Variants in MEAK7 observed in about 807,000 individuals in gnomAD.
The protein encoded by MEAK7 is MTOR associated protein MEAK7, also known as MTOR-associated protein MEAK7.
MEAK7 carries 68 observed loss-of-function variants against 40.5 expected under a neutral mutation model. That is an observed-to-expected ratio of 1.68 (90% CI 1.38 to 2.06). The LOEUF (loss-of-function observed/expected upper bound fraction) is 2.06, where lower values mean the gene tolerates loss of function less well. Ranked by LOEUF, MEAK7 falls within the 30% of genes most tolerant of loss-of-function variation. The pLI is 0.00. For missense variants in MEAK7, 918 were observed against 580.5 expected (o/e 1.58, Z -5.98); for synonymous variants, 338 against 231.9 (o/e 1.46, Z -4.16).
chr16:84,477,968 G>C lies in MEAK7; in HGVS notation c.*1945C>G, dbSNP rs922803785. The C allele has an allele frequency of 6.6e-6, 1 of 152,180 alleles. No individual in the cohort carries two copies. The highest frequency in any genetic ancestry group is 2.4e-5 in the African/African-American group (1 of 41,434). The allele number at this position is 152,180 out of a possible 1,614,324, so 9.4% of individuals were successfully genotyped here. A position where few individuals can be genotyped will look rare whatever the true frequency, so the allele number is the denominator to read the frequency against. On this transcript the variant is annotated 3_prime_UTR_variant, in exon 8 of 8. Coordinates refer to ENST00000343629, the MANE Select transcript of MEAK7 (RefSeq NM_020947.4). ...GCTCAGGGTGGAAAGCATGTGAGTG[G>C]ACAAAGTCCTAACCTTTGCAGCGGC...
Position 84,486,719 on chromosome 16 carries a change from T to A in MEAK7, c.870A>T (p.Gly290=), listed in dbSNP as rs431389. The part of the protein sequence containing the change: ...SQLCGHITHR[G]PCVAVLEDHD... ...GGTCCTCGAGGACAGCCACACAGGG[T>A]CCCCGGTGAGTGATGTGGCCACAGA... Residue 290 remains glycine, a synonymous_variant, in exon 5 of 8, where the codon GGA becomes GGT. Transcript: ENST00000343629. The A allele has an allele frequency of 1.2e-6, 2 of 1,613,752 alleles. No homozygotes were observed. The highest frequency in any genetic ancestry group is 1.1e-5 in the South Asian group (1 of 91,074).
intron 3 of MEAK7, among the ~76,000 whole-genome samples, chr16:84,490,614 G>C (rs1436454542): frequency 6.8e-6 from 1 of 146,904 alleles, no homozygotes; most frequent in African/African-American, 2.5e-5. Context: ...TTTTTAAAGA[G>C]CTCAATGGTT....
Position 84,497,956 on chromosome 16 carries a change from G to T in MEAK7, c.131C>A (p.Ser44Tyr), listed in dbSNP as rs150414475. 1.9e-6 allele frequency: 3 copies of T among 1,614,222 alleles called. No homozygotes were observed. The South Asian group carries it at 3.3e-5, about 18-fold the overall frequency. The change falls in exon 2 of 8, where the codon TCC becomes TAC. Residue 44 changes from serine (S) to tyrosine (Y), a missense_variant. Physicochemically the swap from Ser to Tyr is moderately radical, Grantham distance 144. Coordinates refer to ENST00000343629, the MANE Select transcript of MEAK7 (RefSeq NM_020947.4). ...TGCCTGTAGTGCCTTCAGAGAGAAG[G>T]ATTTGGATGAGACATTCGGGCTGTT... is the stretch of plus-strand genomic sequence containing the variant. ...DKNSPNVSSK[S>Y]FSLKALQNHV...
intron 1 of MEAK7, among the ~76,000 whole-genome samples, chr16:84,500,832 C>A (rs1443769626): frequency 2.6e-5 from 4 of 152,138 alleles, no homozygotes; most frequent in Non-Finnish European, 5.9e-5. Flanking sequence ...GACCCACCCT[C>A]TGCATCAACT....
intron 3 of MEAK7, among the ~76,000 whole-genome samples, chr16:84,492,633 G>C (rs1913721416): frequency 6.7e-6 from 1 of 148,848 alleles, no homozygotes; most frequent in Non-Finnish European, 1.5e-5. Flanking sequence ...CCAGGCTAGA[G>C]TGCAGTGGCA....
At chr16:84,501,124 AAG>A (rs1555515603) in intron 1 of MEAK7, among the ~76,000 whole-genome samples, 2 of 146,862 alleles carry the variant, frequency 1.4e-5, no homozygotes, top group African/African-American at 5.0e-5. Flanking sequence ...AAAAAAAAAA[AAG>A]AGGGGAAACA....
At chr16:84,503,948 C>T in intron 1 of MEAK7, 2 of 985,562 alleles carry the variant, frequency 2.0e-6, no homozygotes, top group Non-Finnish European at 2.4e-6. Flanking sequence ...ACACAAGGGT[C>T]CCTCCGTACC....
At chr16:84,491,238 G>A (rs549143716) in intron 3 of MEAK7, among the ~76,000 whole-genome samples, 2 of 152,200 alleles carry the variant, frequency 1.3e-5, no homozygotes, top group African/African-American at 2.4e-5. Context: ...TCAGGAGTTC[G>A]AGACCAGTCT....
chr16:84,481,937 A>C (rs879296864), intron 6 of MEAK7, among the ~76,000 whole-genome samples: 3 of 151,872 alleles, frequency 2.0e-5, no homozygotes, highest in Admixed American at 2.0e-4. Context: ...TCTCAAAAAG[A>C]AAAAAAAGAA....
At position 84,479,807 on chromosome 16, in the gene MEAK7, G is replaced by T. The variant is rs146353421; in HGVS notation, c.*106C>A. 1.3e-6 allele frequency: 1 copy of T among 769,706 alleles called. No individual in the cohort carries two copies. Among genetic ancestry groups the T allele is most frequent in the Non-Finnish European group, 2.0e-6 (1 of 504,948 alleles). The allele number at this position is 769,706 out of a possible 1,614,324, so 47.7% of individuals were successfully genotyped here. On this transcript the variant is annotated 3_prime_UTR_variant, in exon 8 of 8. Coordinates refer to ENST00000343629, the MANE Select transcript of MEAK7 (RefSeq NM_020947.4). ...GGGACTACCAGGCTGTGACCCGTGC[G>T]GTACGCTATTACAGTTAAACCATGT...
chr16:84,497,531 G>A (rs756603911), intron 2 of MEAK7: 1 of 1,291,302 alleles, frequency 7.7e-7, no homozygotes, highest in Non-Finnish European at 1.0e-6. Context: ...GCAGTCAGGA[G>A]GGACGTGGTT....
rs1474833173 is a variant in MEAK7, at chr16:84,495,663, G to C, written c.384+20C>G. ...CCAAGACTGCTGAGGAGGCTGCAAA[G>C]GACCTCGCGGCCTCACTACCTTTTG... is the stretch of plus-strand genomic sequence containing the variant. On this transcript the variant is annotated intron_variant, in intron 3 of 7. Coordinates refer to ENST00000343629, the MANE Select transcript of MEAK7 (RefSeq NM_020947.4). 3 of 1,612,852 alleles carry C rather than the reference G, an allele frequency of 1.9e-6. No homozygotes were observed. The highest frequency in any genetic ancestry group is 3.3e-5 in the Admixed American group (2 of 60,008).
At chr16:84,484,127 G>T (rs759810563) in intron 5 of MEAK7, among the ~76,000 whole-genome samples, 5 of 152,176 alleles carry the variant, frequency 3.3e-5, no homozygotes, top group African/African-American at 1.2e-4. Context: ...GAGCAAGGTC[G>T]CAGGGCCACA....
chr16:84,483,334 C>T (rs1221945517), intron 5 of MEAK7, among the ~76,000 whole-genome samples: 5 of 152,242 alleles, frequency 3.3e-5, no homozygotes, highest in African/African-American at 1.2e-4. Flanking sequence ...ACTCCATAAG[C>T]ACCTCAGCAC....
chr16:84,494,747 G>C (rs1010372311), intron 3 of MEAK7: 3 of 443,576 alleles, frequency 6.8e-6, no homozygotes, highest in Non-Finnish European at 1.3e-5. Flanking sequence ...ATCTGACTAG[G>C]AATAAACCAT....
Position 84,482,661 on chromosome 16 carries a change from G to C in MEAK7, c.1008C>G (p.Tyr336Ter). Residue 336 changes from tyrosine to a stop codon, truncating the protein, a stop_gained, in exon 6 of 8, where the codon TAC (tyrosine) becomes TAG (stop). Coordinates refer to ENST00000343629, the MANE Select transcript of MEAK7 (RefSeq NM_020947.4). LOFTEE classifies it high-confidence loss of function. ...AGTGGTCGTTGTAGCCCGTGTGTGT[G>C]TACACAGCCATGCTGGGGCAGATGG... is the stretch of plus-strand genomic sequence containing the variant. ...LFSICPSMAV[Y>*]THTGYNDHYM... 1 of 1,614,240 alleles carries C rather than the reference G, an allele frequency of 6.2e-7. No individual in the cohort carries two copies. Among genetic ancestry groups the C allele is most frequent in the Non-Finnish European group, 8.5e-7 (1 of 1,180,032 alleles).
At chr16:84,488,645 G>T (rs780362046) in intron 4 of MEAK7, among the ~76,000 whole-genome samples, 6 of 152,074 alleles carry the variant, frequency 3.9e-5, no homozygotes, top group African/African-American at 1.4e-4. Flanking sequence ...GGCAATTTGA[G>T]GAATTCACAG....
At chr16:84,494,567 T>G (rs1913887854) in intron 3 of MEAK7, among the ~76,000 whole-genome samples, 1 of 152,212 alleles carries the variant, frequency 6.6e-6, no homozygotes, top group African/African-American at 2.4e-5. Context: ...AGAACCATTT[T>G]CGTACCTGCC....
At chr16:84,503,251 G>A (rs764026205) in intron 1 of MEAK7, among the ~76,000 whole-genome samples, 6 of 152,192 alleles carry the variant, frequency 3.9e-5, no homozygotes, top group South Asian at 2.1e-4. Flanking sequence ...AATTTGTGTT[G>A]GATGTCATTC....
Sources: gnomAD v4.1 joint callset for allele counts (sites outside exome capture counted in the v4.1 genomes callset) on GRCh38, gnomAD v4.1.1 for gene constraint, MANE v1.5 for transcripts, NCBI Gene and HGNC (gene_info 2026-07-23, HGNC 2026-07-21) for gene names.